The following SCARB2 variants were observed in gnomAD, a reference collection of about 807,000 sequenced individuals.
SCARB2 encodes the protein scavenger receptor class B member 2.
A neutral mutation model predicts 58.6 loss-of-function variants in SCARB2; 29 were observed. That is an observed-to-expected ratio of 0.49 (90% CI 0.37 to 0.67). The LOEUF is 0.67. Among genes scored for constraint, SCARB2 ranks in the 30% least tolerant of loss-of-function variants. The probability of loss-of-function intolerance (pLI) is 0.00; values close to 1 mark genes in which losing one functional copy is unlikely to be tolerated. For synonymous variants in SCARB2, 195 were observed against 210.1 expected, an observed-to-expected ratio of 0.93 and a Z score of 0.62; for missense variants, 488 against 578.5, an observed-to-expected ratio of 0.84 and a Z score of 1.60.
intron 6 of SCARB2, chr4:76,174,518 C>T (rs1366092372): frequency 4.2e-5 from 24 of 571,120 alleles, no homozygotes; most frequent in Non-Finnish European, 4.1e-5. Context: ...ATTGTAGCAA[C>T]GGTGATATCA....
In SCARB2 at chr4:76,175,858, C is replaced by T. The variant is rs1560708611; in HGVS notation, c.757G>A (p.Gly253Arg). The change falls in exon 6 of 12, where the codon GGA becomes AGA. Residue 253 changes from glycine to arginine, a missense_variant. Physicochemically the swap from Gly to Arg is moderately radical, Grantham distance 125. Coordinates refer to ENST00000264896, the MANE Select transcript of SCARB2 (RefSeq NM_005506.4). Reference protein sequence around the residue: ...DKCNMINGTDGDSFHPLITKD... With the variant: ...DKCNMINGTDRDSFHPLITKD... ...GTTATTAGTGGGTGAAAAGAATCTC[C>T]ATCTGTTCCATTAATCATATTGCAC... is the stretch of plus-strand genomic sequence containing the variant. 3.1e-6 allele frequency: 5 copies of T among 1,613,932 alleles called. No homozygotes were observed. Among genetic ancestry groups the T allele is most frequent in the Non-Finnish European group, 3.4e-6 (4 of 1,179,930 alleles).
chr4:76,209,098 G>T (rs538111376), intron 1 of SCARB2, among the ~76,000 whole-genome samples: 1 of 152,264 alleles, frequency 6.6e-6, no homozygotes, highest in Admixed American at 6.5e-5. Context: ...CAATTTCCTT[G>T]ACCGTAAGAT....
intron 10 of SCARB2, chr4:76,165,684 G>A (rs1162047371): frequency 6.6e-6 from 1 of 152,320 alleles, no homozygotes; most frequent in African/African-American, 2.4e-5. Context: ...TCTACAAACA[G>A]CAAGTATTTT....
chr4:76,209,457 C>T (rs1184710562), intron 1 of SCARB2, among the ~76,000 whole-genome samples: 2 of 152,176 alleles, frequency 1.3e-5, no homozygotes, highest in Non-Finnish European at 1.5e-5. Flanking sequence ...CAACCTCCGC[C>T]TCCCGGATTC....
At chr4:76,162,103 G>A in intron 11 of SCARB2, 1 of 300,036 alleles carries the variant, frequency 3.3e-6, no homozygotes, top group Non-Finnish European at 6.4e-6. Flanking sequence ...TTCCTTGCTT[G>A]TTGAATATAT....
In SCARB2 at chr4:76,180,996, G is replaced by C. The variant is rs1553948511; in HGVS notation, c.381C>G (p.Asp127Glu). The C allele has an allele frequency of 1.2e-6, 2 of 1,613,488 alleles. No homozygotes were observed. The highest frequency in any genetic ancestry group is 3.3e-5 in the Admixed American group (2 of 59,996). The change falls in exon 3 of 12, where the codon GAC becomes GAG. Residue 127 changes from aspartate to glutamate, a missense_variant. Asp to Glu is a conservative substitution (Grantham distance 45). Coordinates refer to ENST00000264896, the MANE Select transcript of SCARB2 (RefSeq NM_005506.4). Reference protein sequence around the residue: ...YVFERDQSVGDPKIDLIRTLN... With the variant: ...YVFERDQSVGEPKIDLIRTLN... ...ATGTTCTAATTAAGTCAATTTTAGG[G>C]TCTCCAACAGATTGGTCTCGTTCAA...
chr4:76,215,601 A>G (rs1417533395), upstream of SCARB2, among the ~76,000 whole-genome samples: 1 of 152,238 alleles, frequency 6.6e-6, no homozygotes. Flanking sequence ...AATAGAATAC[A>G]GTGGAAATGA....
chr4:76,232,120 A>T (rs1474576334), intron 1 of SCARB2, among the ~76,000 whole-genome samples: 1 of 152,270 alleles, frequency 6.6e-6, no homozygotes, highest in Non-Finnish European at 1.5e-5. Flanking sequence ...AATTTTGGTT[A>T]CAGAAGTATA....
At chr4:76,198,837 A>AGT (rs1306920141) in intron 1 of SCARB2, among the ~76,000 whole-genome samples, 270 of 130,936 alleles carry the variant, frequency 2.1e-3, no homozygotes, top group African/African-American at 8.1e-3. Flanking sequence ...CTGGAGAGTG[A>AGT]GTGAGTGTGT....
At position 76,161,636 on chromosome 4, in the gene SCARB2, G is replaced by A; in HGVS notation, c.*77C>T. 1 of 1,459,224 alleles carries A rather than the reference G, an allele frequency of 6.9e-7. No individual in the cohort carries two copies. Among genetic ancestry groups the A allele is most frequent in the Non-Finnish European group, 9.6e-7 (1 of 1,038,964 alleles). 90.4% of individuals were successfully genotyped at this position (1,459,224 alleles called of 1,614,324 possible). A position where few individuals can be genotyped will look rare whatever the true frequency, so the allele number is the denominator to read the frequency against. On this transcript the variant is annotated 3_prime_UTR_variant, in exon 12 of 12. Coordinates refer to ENST00000264896, the MANE Select transcript of SCARB2 (RefSeq NM_005506.4). ...CTTTCAACAGGCAACAAGCCTGCAAGGAGGTGGAGGGTTTCCCCACGTCAT... is the reference window on the plus strand; with the variant it reads ...CTTTCAACAGGCAACAAGCCTGCAAAGAGGTGGAGGGTTTCCCCACGTCAT...
intron 1 of SCARB2, among the ~76,000 whole-genome samples, chr4:76,225,105 A>C (rs1733372037): frequency 6.6e-6 from 1 of 152,212 alleles, no homozygotes. Context: ...AGGTTGCTGC[A>C]AATGCTATTA....
intron 1 of SCARB2, among the ~76,000 whole-genome samples, chr4:76,212,646 G>A (rs1371789028): frequency 1.3e-5 from 2 of 152,170 alleles, no homozygotes; most frequent in East Asian, 1.9e-4. Context: ...TTTTGACACA[G>A]CTTGGTGGAT....
chr4:76,223,002 G>A (rs1039726936), intron 1 of SCARB2, among the ~76,000 whole-genome samples: 1 of 152,174 alleles, frequency 6.6e-6, no homozygotes, highest in Non-Finnish European at 1.5e-5. Flanking sequence ...ATCAGACCTT[G>A]ACAGGTGGAT....
In SCARB2 at chr4:76,181,222, G is replaced by C. The variant is rs551121473; in HGVS notation, c.276-121C>G. On this transcript the variant is annotated intron_variant, in intron 2 of 11. Coordinates refer to ENST00000264896, the MANE Select transcript of SCARB2 (RefSeq NM_005506.4). ...AACATTCCCAATATAACATTATATA[G>C]AGACTGCAGCTACTAAGCCTTAAAA... 6.0e-6 allele frequency: 6 copies of C among 994,454 alleles called. No individual in the cohort carries two copies. In the Admixed American group the frequency reaches 1.3e-4, roughly 22 times the overall value. The allele number at this position is 994,454 out of a possible 1,614,324, so 61.6% of individuals were successfully genotyped here.
intron 7 of SCARB2, chr4:76,173,179 A>G (rs1732168197): frequency 6.6e-6 from 1 of 152,228 alleles, no homozygotes; most frequent in South Asian, 2.1e-4. Flanking sequence ...ATTCTGCCTC[A>G]TTCATGGAAA....
chr4:76,221,475 C>T (rs543512441), intron 1 of SCARB2, among the ~76,000 whole-genome samples: 135 of 152,216 alleles, frequency 8.9e-4, no homozygotes, highest in African/African-American at 3.2e-3. Context: ...CCTGGTACCA[C>T]ATCTGCCTAA....
At chr4:76,234,262 C>T (rs1733544787) in intron 1 of SCARB2, 2 of 152,400 alleles carry the variant, frequency 1.3e-5, no homozygotes, top group Admixed American at 1.3e-4. Context: ...GATGAAAAGG[C>T]TTAGGAGCAA....
chr4:76,198,308 C>T (rs550092021), intron 1 of SCARB2, among the ~76,000 whole-genome samples: 10 of 152,294 alleles, frequency 6.6e-5, no homozygotes, highest in African/African-American at 2.4e-4. Flanking sequence ...AGATGGCTAA[C>T]CTCCCTGGTT....
At position 76,159,042 on chromosome 4, in the gene SCARB2, A is replaced by T. The variant is rs1478575064; in HGVS notation, c.*2671T>A. 1.3e-5 allele frequency: 2 copies of T among 152,170 alleles called. No homozygotes were observed. Among genetic ancestry groups the T allele is most frequent in the African/African-American group, 4.8e-5 (2 of 41,430 alleles). The allele number at this position is 152,170 out of a possible 1,614,324, so 9.4% of individuals were successfully genotyped here. A position where few individuals can be genotyped will look rare whatever the true frequency, so the allele number is the denominator to read the frequency against. Reference sequence around the variant, plus strand: ...CCACTTGACCATTAGTGATCTTTCTAGAACATGAGGAAATCAAGTCTGGTT... The same window carrying T: ...CCACTTGACCATTAGTGATCTTTCTTGAACATGAGGAAATCAAGTCTGGTT... On this transcript the variant is annotated 3_prime_UTR_variant, in exon 12 of 12. Transcript: ENST00000264896.
Sources: gnomAD v4.1 joint callset for allele counts (sites outside exome capture counted in the v4.1 genomes callset) on GRCh38, gnomAD v4.1.1 for gene constraint, MANE v1.5 for transcripts, NCBI Gene and HGNC (gene_info 2026-07-23, HGNC 2026-07-21) for gene names.